Variants in SERPINB7 observed in about 807,000 individuals in gnomAD.
The protein encoded by SERPINB7 is serpin B7.
SERPINB7 carries 31 observed loss-of-function variants against 37.4 expected under a neutral mutation model. The ratio of observed to expected loss-of-function variants is 0.83; its 90% CI spans 0.62 to 1.12. The LOEUF is 1.12. Ranked by LOEUF, SERPINB7 falls within the 50% of genes most tolerant of loss-of-function variation. The pLI, the probability that SERPINB7 is intolerant of heterozygous loss-of-function variation, is 0.00. For missense variants in SERPINB7, 521 were observed against 455.3 expected (o/e 1.14, Z -1.31); for synonymous variants, 163 against 166.1 (o/e 0.98, Z 0.14).
intron 1 of SERPINB7, among the ~76,000 whole-genome samples, chr18:63,768,971 T>A (rs1439251987): frequency 7.9e-5 from 12 of 152,180 alleles, no homozygotes; most frequent in Non-Finnish European, 1.8e-4. Context: ...TATACCACAA[T>A]TTATCTTTAT....
At chr18:63,772,814 A>C (rs1294326273), upstream of SERPINB7, among the ~76,000 whole-genome samples, 1 of 152,170 alleles carries the variant, frequency 6.6e-6, no homozygotes, top group Admixed American at 6.6e-5. Context: ...GAAATGATGT[A>C]GCACAAATAA....
rs773998071 is a variant in SERPINB7, at chr18:63,782,474, C to T, written c.102C>T (p.Ser34=). The T allele has an allele frequency of 5.0e-6, 8 of 1,614,176 alleles. No individual in the cohort carries two copies. The East Asian group carries it at 1.8e-4, about 36-fold the overall frequency. ...GNGNVFFSSL[S]LFAALALVRL... is the part of the protein sequence containing the mutation. The stretch of plus-strand genomic sequence containing the variant: ...GAAATGTGTTCTTTTCCTCTCTGAG[C>T]CTCTTCGCTGCCCTGGCCCTGGTCC... The change falls in exon 2 of 8, where the codon AGC becomes AGT. Residue 34 remains serine, a synonymous_variant. Transcript: ENST00000398019.
intron 2 of SERPINB7, among the ~76,000 whole-genome samples, chr18:63,785,937 CACATATATAATATACTTATATAT>C (rs2049361121): frequency 2.6e-5 from 3 of 117,492 alleles, no homozygotes; most frequent in Non-Finnish European, 5.0e-5. Flanking sequence ...CGTATATATA[CACATATATAATATACTTATATAT>C]ACACATATAT....
chr18:63,767,878 T>G (rs188247509), intron 1 of SERPINB7, among the ~76,000 whole-genome samples: 2 of 152,074 alleles, frequency 1.3e-5, no homozygotes, highest in African/African-American at 4.8e-5. Context: ...TTGTTTAATA[T>G]GGGGTGAGTT....
At chr18:63,759,675 C>T (rs947630894) in intron 1 of SERPINB7, among the ~76,000 whole-genome samples, 2 of 152,128 alleles carry the variant, frequency 1.3e-5, no homozygotes, top group Admixed American at 6.5e-5. Context: ...CCCAGAATTC[C>T]CATGTGTTGT....
At chr18:63,761,406 C>T (rs903561188) in intron 1 of SERPINB7, among the ~76,000 whole-genome samples, 3 of 152,162 alleles carry the variant, frequency 2.0e-5, no homozygotes, top group Non-Finnish European at 4.4e-5. Context: ...AGGGACTTGC[C>T]TTGTCTCAAG....
At chr18:63,753,126 TG>T (rs1445054585) in intron 1 of SERPINB7, 1 of 152,322 alleles carries the variant, frequency 6.6e-6, no homozygotes, top group Non-Finnish European at 1.5e-5. Context: ...AGGAGGTGAG[TG>T]CTTATGCTGG....
chr18:63,792,473 AG>A (rs1210073742), intron 3 of SERPINB7, 30 bp downstream of exon 3: 10 of 1,487,316 alleles, frequency 6.7e-6, no homozygotes, highest in Non-Finnish European at 3.7e-6. Flanking sequence ...TTAGAAAAAG[AG>A]AAGGTGAGCC....
chr18:63,787,871 C>A (rs746760002), intron 2 of SERPINB7, among the ~76,000 whole-genome samples: 1 of 152,078 alleles, frequency 6.6e-6, no homozygotes, highest in African/African-American at 2.4e-5. Context: ...GAGGGCAGTA[C>A]CGTCAAATTA....
intron 6 of SERPINB7, among the ~76,000 whole-genome samples, chr18:63,799,131 G>C (rs2049520760): frequency 6.6e-6 from 1 of 152,066 alleles, no homozygotes. Context: ...TGATTTTCCT[G>C]AGTCACAGCA....
At chr18:63,754,036 T>C (rs1035726594) in intron 1 of SERPINB7, among the ~76,000 whole-genome samples, 3 of 152,198 alleles carry the variant, frequency 2.0e-5, no homozygotes, top group Non-Finnish European at 4.4e-5. Context: ...ACAGAAATGG[T>C]AACAGCAGAA....
At chr18:63,794,102 T>A (rs943346173) in intron 4 of SERPINB7, among the ~76,000 whole-genome samples, 1 of 143,908 alleles carries the variant, frequency 6.9e-6, no homozygotes, top group Non-Finnish European at 1.5e-5. Flanking sequence ...TGCCACCACA[T>A]CCTGCTAATT....
At chr18:63,782,233 A>G (rs553555626) in intron 1 of SERPINB7, 122 bp from the exon 2 acceptor site, 2 of 566,042 alleles carry the variant, frequency 3.5e-6, no homozygotes, top group East Asian at 7.2e-5. Context: ...GAGTTATTTG[A>G]TGATTACCTC....
chr18:63,791,691 A>C (rs947551883), intron 2 of SERPINB7, among the ~76,000 whole-genome samples: 2 of 151,850 alleles, frequency 1.3e-5, no homozygotes, highest in Admixed American at 6.6e-5. Context: ...GCTCACTGCA[A>C]GCTCTACCTC....
chr18:63,764,345 T>C (rs905723572), intron 1 of SERPINB7, among the ~76,000 whole-genome samples: 4 of 152,230 alleles, frequency 2.6e-5, no homozygotes, highest in Admixed American at 2.6e-4. Flanking sequence ...TTCTGACTAA[T>C]TCATATTCAA....
chr18:63,781,847 G>C (rs1350607415), intron 1 of SERPINB7, among the ~76,000 whole-genome samples: 1 of 151,980 alleles, frequency 6.6e-6, no homozygotes, highest in African/African-American at 2.4e-5. Context: ...CTTAAAATTA[G>C]GACAGTTTTG....
intron 2 of SERPINB7, among the ~76,000 whole-genome samples, chr18:63,788,887 A>G: frequency 6.6e-6 from 1 of 152,198 alleles, no homozygotes. Context: ...GCCAAGTTGT[A>G]TAGTAGGCCA....
Position 63,804,599 on chromosome 18 carries a change from C to A in SERPINB7, c.1107C>A (p.Asp369Glu). ...HPFLFVIRKDDIILFSGKVSC... is the reference protein window; with the variant it reads ...HPFLFVIRKDEIILFSGKVSC... ...TCCTATTTGTTATCAGGAAGGATGACATCATCTTATTCAGTGGCAAAGTTT... is the reference window on the plus strand; with the variant it reads ...TCCTATTTGTTATCAGGAAGGATGAAATCATCTTATTCAGTGGCAAAGTTT... Residue 369 changes from aspartate to glutamate, a missense_variant, in exon 8 of 8, where the codon GAC becomes GAA. By Grantham distance (45) the Asp-to-Glu change is conservative (BLOSUM62 2). Coordinates refer to ENST00000398019, the MANE Select transcript of SERPINB7 (RefSeq NM_003784.4). 1 of 1,613,026 alleles carries A rather than the reference C, an allele frequency of 6.2e-7. No homozygotes were observed.
intron 1 of SERPINB7, among the ~76,000 whole-genome samples, chr18:63,764,924 G>A (rs932044275): frequency 2.6e-5 from 4 of 151,996 alleles, no homozygotes; most frequent in African/African-American, 9.7e-5. Context: ...TAGGAAAGGA[G>A]TTTCTAAACA....
Sources: allele counts gnomAD v4.1 joint callset (sites outside exome capture counted in the v4.1 genomes callset), GRCh38; gene constraint gnomAD v4.1.1; transcripts MANE v1.5; gene names NCBI Gene and HGNC (gene_info 2026-07-23, HGNC 2026-07-21).